Variants in STON2 observed in about 807,000 individuals in gnomAD.
STON2 encodes stonin 2, also known as stonin-2.
STON2 carries 29 observed loss-of-function variants against 65.7 expected under a neutral mutation model. That is an observed-to-expected ratio of 0.44 (90% CI 0.33 to 0.60). The LOEUF is 0.60. Among genes scored for constraint, STON2 ranks in the 20% least tolerant of loss-of-function variants. The pLI is 0.03. For synonymous variants in STON2, 404 were observed against 414.2 expected (o/e 0.98, Z 0.30); for missense variants, 1,054 against 1,118.1 (o/e 0.94, Z 0.82).
At position 81,396,146 on chromosome 14, in the gene STON2, A is replaced by G. The variant is rs202028256; in HGVS notation, c.121T>C (p.Ser41Pro). 138 of 1,613,620 alleles carry G rather than the reference A, an allele frequency of 8.6e-5. No individual in the cohort carries two copies. The highest frequency in any genetic ancestry group is 1.1e-4 in the Non-Finnish European group (133 of 1,179,866). Residue 41 changes from serine (S) to proline (P), a missense_variant, in exon 3 of 8, where the codon TCT (serine) becomes CCT (proline). Ser to Pro is a moderately conservative substitution (Grantham distance 74). Coordinates refer to ENST00000614646, the MANE Select transcript of STON2 (RefSeq NM_001394390.1). Reference sequence around the variant, plus strand: ...GAGCTCTCGGACTGGTCTGGGGAAGATGACAGTCCTGGGAGGTGCTCTTCC... The same window carrying G: ...GAGCTCTCGGACTGGTCTGGGGAAGGTGACAGTCCTGGGAGGTGCTCTTCC... ...GTEEHLPGLSSSPDQSESSSG... is the reference protein window; with the variant it reads ...GTEEHLPGLSPSPDQSESSSG...
chr14:81,326,127 G>C (rs185661493), intron 4 of STON2, among the ~76,000 whole-genome samples: 1 of 152,272 alleles, frequency 6.6e-6, no homozygotes, highest in East Asian at 1.9e-4. Context: ...ATAAATGCTT[G>C]AAGTTTTATT....
At chr14:81,311,702 G>T (rs1470984890) in intron 5 of STON2, among the ~76,000 whole-genome samples, 2 of 152,180 alleles carry the variant, frequency 1.3e-5, no homozygotes, top group African/African-American at 4.8e-5. Flanking sequence ...ATTTGCTTTA[G>T]AAATAATTCT....
intron 3 of STON2, among the ~76,000 whole-genome samples, chr14:81,383,873 C>G (rs545902705): frequency 6.6e-6 from 1 of 152,274 alleles, no homozygotes; most frequent in East Asian, 1.9e-4. Flanking sequence ...TCCATCTCAC[C>G]CACAATAAAA....
chr14:81,281,682 A>G (rs1233242537), intron 5 of STON2, among the ~76,000 whole-genome samples: 1 of 152,216 alleles, frequency 6.6e-6, no homozygotes, highest in Non-Finnish European at 1.5e-5. Context: ...GAAAAGAGAA[A>G]AAAAGGCCTT....
intron 2 of STON2, among the ~76,000 whole-genome samples, chr14:81,423,793 A>G (rs1394983477): frequency 3.9e-5 from 6 of 152,102 alleles, no homozygotes; most frequent in Admixed American, 3.3e-4. Flanking sequence ...CAAGAAACCG[A>G]CGCATCCCAA....
Position 81,264,875 on chromosome 14 carries a change from A to G in STON2, c.*3539T>C. ...ATGGTCTCCCCACAAAGTGCCTCACATTGTCTTGTCTGACATGTCATGAGT... is the reference window on the plus strand; with the variant it reads ...ATGGTCTCCCCACAAAGTGCCTCACGTTGTCTTGTCTGACATGTCATGAGT... On this transcript the variant is annotated 3_prime_UTR_variant, in exon 8 of 8. Coordinates refer to ENST00000614646, the MANE Select transcript of STON2 (RefSeq NM_001394390.1). 2.0e-6 allele frequency: 2 copies of G among 985,382 alleles called. No homozygotes were observed. Among genetic ancestry groups the G allele is most frequent in the Non-Finnish European group, 2.4e-6 (2 of 829,908 alleles). 61.0% of individuals were successfully genotyped at this position (985,382 alleles called of 1,614,324 possible).
intron 3 of STON2, among the ~76,000 whole-genome samples, chr14:81,372,494 G>A (rs556597816): frequency 5.2e-4 from 79 of 150,682 alleles, no homozygotes; most frequent in African/African-American, 1.8e-3. Flanking sequence ...GGCGGGTGTC[G>A]CAGTGAGATC....
At chr14:81,436,064 G>A (rs976250538) in intron 1 of STON2, 1 of 152,234 alleles carries the variant, frequency 6.6e-6, no homozygotes, top group Non-Finnish European at 1.5e-5. Context: ...GGTGTCGCAG[G>A]AGTCCTCCTC....
At chr14:81,415,670 A>C (rs921070583) in intron 2 of STON2, among the ~76,000 whole-genome samples, 4 of 61,484 alleles carry the variant, frequency 6.5e-5, no homozygotes, top group African/African-American at 1.6e-4. Flanking sequence ...CTCCATCGCA[A>C]AAAAAAAAAA....
At chr14:81,316,238 GCA>G (rs917306637) in intron 5 of STON2, among the ~76,000 whole-genome samples, 4 of 152,166 alleles carry the variant, frequency 2.6e-5, no homozygotes, top group African/African-American at 9.6e-5. Flanking sequence ...TGTAAAAGCA[GCA>G]CAGTCACAAA....
At chr14:81,314,600 A>T (rs1457074600) in intron 5 of STON2, among the ~76,000 whole-genome samples, 1 of 152,224 alleles carries the variant, frequency 6.6e-6, no homozygotes, top group Non-Finnish European at 1.5e-5. Context: ...GTTAAGGCCT[A>T]TTGATTCCAT....
At chr14:81,357,604 T>C (rs1898299498) in intron 4 of STON2, among the ~76,000 whole-genome samples, 1 of 152,082 alleles carries the variant, frequency 6.6e-6, no homozygotes, top group African/African-American at 2.4e-5. Context: ...TGCACACGTA[T>C]GTTTATTGTG....
intron 5 of STON2, among the ~76,000 whole-genome samples, chr14:81,304,388 C>A: frequency 6.6e-6 from 1 of 152,050 alleles, no homozygotes. Context: ...AAAACTAAAG[C>A]ACAAAAAAGT....
intron 4 of STON2, among the ~76,000 whole-genome samples, chr14:81,356,942 A>G (rs980218607): frequency 6.6e-5 from 10 of 151,566 alleles, no homozygotes; most frequent in Admixed American, 3.3e-4. Context: ...AATTTTGTTG[A>G]TCCTTTCAAA....
intron 4 of STON2, among the ~76,000 whole-genome samples, chr14:81,361,582 G>T (rs1344654077): frequency 1.3e-5 from 2 of 151,996 alleles, no homozygotes; most frequent in South Asian, 4.1e-4. Flanking sequence ...GACAATATTG[G>T]TCTAGGCAAT....
intron 6 of STON2, among the ~76,000 whole-genome samples, chr14:81,271,182 A>G (rs371150955): frequency 6.6e-6 from 1 of 152,198 alleles, no homozygotes; most frequent in African/African-American, 2.4e-5. Flanking sequence ...CCCCAACACT[A>G]AGAAATAAGG....
intron 5 of STON2, among the ~76,000 whole-genome samples, chr14:81,281,227 T>C (rs17631789): frequency 0.042 from 6,363 of 152,296 alleles, 196 homozygotes; most frequent in Middle Eastern, 0.078. Context: ...TATAAGTGAT[T>C]AATTTTCTGA....
intron 3 of STON2, among the ~76,000 whole-genome samples, chr14:81,373,732 T>G (rs1899112915): frequency 6.6e-6 from 1 of 152,064 alleles, no homozygotes; most frequent in Non-Finnish European, 1.5e-5. Context: ...ACGCATAAAG[T>G]GAGAATTCCT....
intron 2 of STON2, among the ~76,000 whole-genome samples, chr14:81,408,734 A>T (rs186724359): frequency 6.6e-6 from 1 of 152,350 alleles, no homozygotes; most frequent in African/African-American, 2.4e-5. Context: ...AGAGTCAAGA[A>T]TCTAAGTTAC....
Sources: gnomAD v4.1 joint callset for allele counts (sites outside exome capture counted in the v4.1 genomes callset) on GRCh38, gnomAD v4.1.1 for gene constraint, MANE v1.5 for transcripts, NCBI Gene and HGNC (gene_info 2026-07-23, HGNC 2026-07-21) for gene names.